Variants in CC2D2A observed in about 807,000 individuals in gnomAD.
The protein encoded by CC2D2A is coiled-coil and C2 domain-containing protein 2A.
Under a neutral mutation model 212.9 loss-of-function variants are expected in CC2D2A, and 155 were observed. The ratio of observed to expected loss-of-function variants is 0.73; its 90% CI spans 0.64 to 0.83. The LOEUF (loss-of-function observed/expected upper bound fraction) is 0.83, where lower values mean the gene tolerates loss of function less well. Ranked by LOEUF, CC2D2A falls within the 40% of genes least tolerant of loss-of-function variation. The pLI is 0.00. For missense variants in CC2D2A, 1,856 were observed against 1,956.2 expected, an observed-to-expected ratio of 0.95 and a Z score of 0.97; for synonymous variants, 667 against 686.5, an observed-to-expected ratio of 0.97 and a Z score of 0.44.
intron 4 of CC2D2A, among the ~76,000 whole-genome samples, chr4:15,496,965 T>G (rs1715653261): frequency 6.6e-6 from 1 of 152,148 alleles, no homozygotes; most frequent in South Asian, 2.1e-4. Context: ...GAAGAACCAG[T>G]ATTGTTAGGT....
Position 15,479,229 on chromosome 4 carries a change from A to G in CC2D2A, c.123+423A>G, listed in dbSNP as rs749544343. ...AATTCTGTCTTTGAGGCAGAAGCCA[A>G]CTCCTTTCTCCCGAGCCTGCTGGCA... On this transcript the variant is annotated intron_variant, in intron 3 of 36. Transcript: ENST00000424120. 104 of 1,536,448 alleles carry G rather than the reference A, an allele frequency of 6.8e-5. No individual in the cohort carries two copies. The highest frequency in any genetic ancestry group is 1.7e-4 in the Middle Eastern group (1 of 6,012).
At chr4:15,573,287 A>T (rs1720248621) in intron 28 of CC2D2A, among the ~76,000 whole-genome samples, 2 of 152,074 alleles carry the variant, frequency 1.3e-5, no homozygotes, top group African/African-American at 4.8e-5. Flanking sequence ...TTTCCATGCC[A>T]TAGTTTTTTG....
chr4:15,539,522 C>G (rs544268212), intron 16 of CC2D2A, among the ~76,000 whole-genome samples: 1 of 152,318 alleles, frequency 6.6e-6, no homozygotes, highest in South Asian at 2.1e-4. Flanking sequence ...GTCTTGGTTT[C>G]AAACTTCTGC....
Position 15,527,760 on chromosome 4 carries a change from C to T in CC2D2A, c.1359+104C>T, listed in dbSNP as rs150282846. 5.0e-4 allele frequency: 407 copies of T among 817,696 alleles called. 2 individuals carry two copies. The African/African-American group carries it at 6.3e-3, about 13-fold the overall frequency. The allele number at this position is 817,696 out of a possible 1,614,324, so 50.7% of individuals were successfully genotyped here. A position where few individuals can be genotyped will look rare whatever the true frequency, so the allele number is the denominator to read the frequency against. ...GCAAAATGTTCATGCCCCTCTTTCACATGTTTCCTCGGTTTAGGATGTGTG... is the reference window on the plus strand; with the variant it reads ...GCAAAATGTTCATGCCCCTCTTTCATATGTTTCCTCGGTTTAGGATGTGTG... On this transcript the variant is annotated intron_variant, in intron 12 of 36. Transcript: ENST00000424120.
rs190694237 is a variant in CC2D2A, at chr4:15,510,201, G to A, written c.501G>A (p.Lys167=). 1.2e-6 allele frequency: 2 copies of A among 1,613,226 alleles called. No homozygotes were observed. The highest frequency in any genetic ancestry group is 1.7e-5 in the Admixed American group (1 of 59,828). ...ACTCCCAAAGTTACTCAAGAGTCAA[G>A]TTCCATGATTCTGCACGAAAAATCA... The part of the protein sequence containing the change: ...EVDSQSYSRV[K]FHDSARKIKP... Residue 167 remains lysine (K), a synonymous_variant, in exon 7 of 37, where the codon AAG becomes AAA. Coordinates refer to ENST00000424120, the MANE Select transcript of CC2D2A (RefSeq NM_001378615.1).
chr4:15,538,221 T>TGTGTGTACAGTAA, intron 16 of CC2D2A, 84 bp downstream of exon 16: 1 of 1,381,904 alleles, frequency 7.2e-7, no homozygotes, highest in Non-Finnish European at 9.6e-7. Flanking sequence ...ATGCACGACA[T>TGTGTGTACAGTAA]GGGGAGTGTA....
chr4:15,481,763 T>C (rs1428918088), intron 4 of CC2D2A: 1 of 981,614 alleles, frequency 1.0e-6, no homozygotes, highest in Admixed American at 6.1e-5. Flanking sequence ...GGACTAACAA[T>C]ACATAAGTTA....
In CC2D2A at chr4:15,480,759, C is replaced by T. The variant is rs566035797; in HGVS notation, c.179C>T (p.Pro60Leu). The T allele has an allele frequency of 1.1e-5, 17 of 1,613,102 alleles. No homozygotes were observed. In the South Asian group the frequency reaches 1.7e-4, roughly 16 times the overall value. The change falls in exon 4 of 37, where the codon CCC becomes CTC. Residue 60 changes from proline (P) to leucine (L), a missense_variant. This residue lies in a region of CC2D2A where 1,512 missense variants were observed against 1,579.3 expected (regional missense o/e 0.96). Transcript: ENST00000424120. ...TCCGAAAAATCCCACCTTGGCAACC[C>T]CCAGGAGCCTGTGCAGGAGGAGCCC... Reference protein sequence around the residue: ...MVSEKSHLGNPQEPVQEEPKT... With the variant: ...MVSEKSHLGNLQEPVQEEPKT...
At chr4:15,554,965 A>G in intron 19 of CC2D2A, 107 bp from the exon 20 acceptor site, 1 of 1,095,300 alleles carries the variant, frequency 9.1e-7, no homozygotes, top group Non-Finnish European at 1.3e-6. Flanking sequence ...ATTTTCTCTC[A>G]TGGAGGATAA....
In CC2D2A at chr4:15,502,536, A is replaced by G; in HGVS notation, c.336+19A>G. The G allele has an allele frequency of 1.3e-6, 2 of 1,585,162 alleles. No homozygotes were observed. The highest frequency in any genetic ancestry group is 1.7e-6 in the Non-Finnish European group (2 of 1,167,228). On this transcript the variant is annotated intron_variant, in intron 5 of 36. Coordinates refer to ENST00000424120, the MANE Select transcript of CC2D2A (RefSeq NM_001378615.1). ...AGCGAGGGTGAGAGAAACCACATGA[A>G]TATTCTGTTCAGTGCTGATTGCAAT...
At chr4:15,549,789 C>A (rs890154048) in intron 17 of CC2D2A, among the ~76,000 whole-genome samples, 7 of 151,932 alleles carry the variant, frequency 4.6e-5, no homozygotes, top group African/African-American at 1.7e-4. Flanking sequence ...GGTGACAGGG[C>A]GAGACTCCAT....
chr4:15,561,963 C>G (rs1719624806), intron 23 of CC2D2A, among the ~76,000 whole-genome samples: 1 of 152,200 alleles, frequency 6.6e-6, no homozygotes, highest in Non-Finnish European at 1.5e-5. Context: ...CTAATTTCTT[C>G]ATCTGAAATA....
intron 4 of CC2D2A, chr4:15,492,790 T>C (rs997779410): frequency 4.7e-5 from 32 of 678,450 alleles, no homozygotes; most frequent in African/African-American, 4.6e-4. Context: ...TTCATTGTCA[T>C]ACCAGGAAAT....
intron 30 of CC2D2A, among the ~76,000 whole-genome samples, chr4:15,585,027 T>G (rs1720802932): frequency 6.6e-6 from 1 of 152,124 alleles, no homozygotes; most frequent in Non-Finnish European, 1.5e-5. Flanking sequence ...AAAGAGGAAC[T>G]CTTATACACA....
intron 8 of CC2D2A, among the ~76,000 whole-genome samples, chr4:15,513,202 C>T (rs1364299986): frequency 2.0e-5 from 3 of 152,208 alleles, no homozygotes; most frequent in African/African-American, 4.8e-5. Context: ...GGCCATTCAA[C>T]ATTGCTTGAG....
intron 36 of CC2D2A, among the ~76,000 whole-genome samples, chr4:15,600,816 A>G (rs995146072): frequency 1.3e-5 from 2 of 148,486 alleles, no homozygotes; most frequent in Non-Finnish European, 3.0e-5. Flanking sequence ...TGGGGGGACC[A>G]TTTGAGCCCA....
chr4:15,574,241 T>C lies in CC2D2A; in HGVS notation c.3686T>C (p.Val1229Ala). 1 of 1,551,550 alleles carries C rather than the reference T, an allele frequency of 6.4e-7. No individual in the cohort carries two copies. Among genetic ancestry groups the C allele is most frequent in the Non-Finnish European group, 8.7e-7 (1 of 1,146,904 alleles). ...NMILERGFDS[V>A]RSLSEGSYIT... is the part of the protein sequence containing the mutation. Reference sequence around the variant, plus strand: ...ATTCTTGAGCGGGGTTTTGATTCTGTCCGAAGCTTAAGTGAAGGCTCCTAC... The same window carrying C: ...ATTCTTGAGCGGGGTTTTGATTCTGCCCGAAGCTTAAGTGAAGGCTCCTAC... Residue 1229 changes from valine (V) to alanine (A), a missense_variant, in exon 29 of 37, where the codon GTC (valine) becomes GCC (alanine). Physicochemically the swap from Val to Ala is moderately conservative, Grantham distance 64 (BLOSUM62 0). Transcript: ENST00000424120.
In CC2D2A at chr4:15,596,177, C is replaced by T. The variant is rs587779732; in HGVS notation, c.4407C>T (p.Ser1469=). 7 of 1,547,542 alleles carry T rather than the reference C, an allele frequency of 4.5e-6. No individual in the cohort carries two copies. The highest frequency in any genetic ancestry group is 5.2e-6 in the Non-Finnish European group (6 of 1,144,894). The stretch of plus-strand genomic sequence containing the variant: ...TATGGAAATCTTTCTTTTCAAGAAG[C>T]CTTCCATATCCTGGCCTTTCCAGTG... ...PKLWKSFFSR[S]LPYPGLSSVQ... Residue 1469 remains serine (S), a synonymous_variant, in exon 34 of 37, where the codon AGC becomes AGT. Coordinates refer to ENST00000424120, the MANE Select transcript of CC2D2A (RefSeq NM_001378615.1).
intron 4 of CC2D2A, among the ~76,000 whole-genome samples, chr4:15,483,560 T>C (rs76602718): frequency 0.034 from 5,165 of 152,248 alleles, 140 homozygotes; most frequent in Middle Eastern, 0.075. Flanking sequence ...AAAGAAGGAG[T>C]GTCAAAGAAT....
Sources: gnomAD v4.1 joint callset for allele counts (sites outside exome capture counted in the v4.1 genomes callset) on GRCh38, gnomAD v4.1.1 for gene constraint, gnomAD v4.1.1 regional missense constraint, MANE v1.5 for transcripts, NCBI Gene and HGNC (gene_info 2026-07-23, HGNC 2026-07-21) for gene names.